Variants in CTNNA2 observed in about 807,000 individuals in gnomAD.
The protein encoded by CTNNA2 is catenin alpha-2.
In CTNNA2, 42 loss-of-function variants were observed where a neutral mutation model predicts 101.0. The ratio of observed to expected loss-of-function variants is 0.42; its 90% CI spans 0.32 to 0.54. The LOEUF (loss-of-function observed/expected upper bound fraction) is 0.54. CTNNA2 is among the 20% of genes least tolerant of loss of function. CTNNA2 has a pLI of 0.14. For synonymous variants in CTNNA2, 450 were observed against 456.4 expected (o/e 0.99, Z 0.18); for missense variants, 871 against 1,223.1 (o/e 0.71, Z 4.29).
chr2:80,269,326 A>G (rs1300525005), intron 7 of CTNNA2, among the ~76,000 whole-genome samples: 1 of 152,156 alleles, frequency 6.6e-6, no homozygotes, highest in African/African-American at 2.4e-5. Flanking sequence ...CTCAGCAATC[A>G]TTCTTCTCTC....
chr2:79,250,685 C>T (rs1308495972), intron 2 of CTNNA2, among the ~76,000 whole-genome samples: 2 of 152,166 alleles, frequency 1.3e-5, no homozygotes, highest in African/African-American at 4.8e-5. Context: ...GGCCTGTGGA[C>T]TCACATTTTG....
intron 7 of CTNNA2, among the ~76,000 whole-genome samples, chr2:80,355,671 A>G (rs527286794): frequency 1.8e-4 from 28 of 152,276 alleles, no homozygotes; most frequent in Admixed American, 1.1e-3. Flanking sequence ...AGTTTTAGGG[A>G]AAGACCATTT....
chr2:79,771,503 T>C (rs2105145927), intron 3 of CTNNA2, among the ~76,000 whole-genome samples: 1 of 152,320 alleles, frequency 6.6e-6, no homozygotes, highest in Admixed American at 6.5e-5. Flanking sequence ...GTGGGAGCCC[T>C]GAGCTTGTTT....
chr2:79,653,581 C>T (rs1485276966), intron 2 of CTNNA2, among the ~76,000 whole-genome samples: 1 of 152,118 alleles, frequency 6.6e-6, no homozygotes, highest in African/African-American at 2.4e-5. Context: ...CCTTATATGG[C>T]ACTAGGAAAA....
At chr2:79,691,829 A>T (rs1684323609) in intron 2 of CTNNA2, among the ~76,000 whole-genome samples, 1 of 152,062 alleles carries the variant, frequency 6.6e-6, no homozygotes, top group Non-Finnish European at 1.5e-5. Context: ...TATGCAGAAA[A>T]CTGAAACTGG....
chr2:79,863,642 C>T (rs533456709), intron 4 of CTNNA2, among the ~76,000 whole-genome samples: 64 of 152,248 alleles, frequency 4.2e-4, no homozygotes, highest in Middle Eastern at 3.4e-3. Context: ...GGGATTAGCT[C>T]ATAAGAAATG....
At chr2:79,831,721 G>T (rs1156799995) in intron 3 of CTNNA2, among the ~76,000 whole-genome samples, 2 of 148,910 alleles carry the variant, frequency 1.3e-5, no homozygotes, top group Non-Finnish European at 3.0e-5. Context: ...TTTGTTCTCG[G>T]TGTTTATTCA....
chr2:79,281,078 A>T, intron 2 of CTNNA2, among the ~76,000 whole-genome samples: 1 of 152,042 alleles, frequency 6.6e-6, no homozygotes, highest in African/African-American at 2.4e-5. Context: ...CACCAGCTAA[A>T]GCATCATTAG....
chr2:80,092,335 T>G (rs753254883), intron 7 of CTNNA2, among the ~76,000 whole-genome samples: 15 of 152,128 alleles, frequency 9.9e-5, no homozygotes, highest in Middle Eastern at 6.3e-3. Flanking sequence ...CCCTTTGTAG[T>G]GAATAGCAAG....
chr2:79,694,812 C>A (rs1159025687), intron 2 of CTNNA2, among the ~76,000 whole-genome samples: 5 of 151,828 alleles, frequency 3.3e-5, no homozygotes, highest in African/African-American at 9.7e-5. Flanking sequence ...CTTAAATCTT[C>A]TTTTGTCTTT....
chr2:79,534,321 ACTTT>A (rs1672924210), intron 1 of CTNNA2, among the ~76,000 whole-genome samples: 1 of 152,100 alleles, frequency 6.6e-6, no homozygotes, highest in African/African-American at 2.4e-5. Context: ...TGGGCGCATT[ACTTT>A]CTATTAAAAA....
intron 9 of CTNNA2, among the ~76,000 whole-genome samples, chr2:80,500,604 G>A (rs907000622): frequency 6.6e-6 from 1 of 152,196 alleles, no homozygotes; most frequent in African/African-American, 2.4e-5. Flanking sequence ...GGAGAGTAGT[G>A]TGCAGCGGAA....
intron 2 of CTNNA2, among the ~76,000 whole-genome samples, chr2:79,674,104 C>A (rs1225736047): frequency 1.3e-5 from 2 of 152,160 alleles, no homozygotes; most frequent in Non-Finnish European, 2.9e-5. Context: ...TGAAACTTGG[C>A]AATCTGTGTT....
At chr2:80,211,298 A>G (rs946392809) in intron 7 of CTNNA2, among the ~76,000 whole-genome samples, 7 of 152,300 alleles carry the variant, frequency 4.6e-5, no homozygotes, top group East Asian at 1.9e-4. Context: ...GCCCATGCCT[A>G]TGGCCTGAAT....
intron 2 of CTNNA2, among the ~76,000 whole-genome samples, chr2:79,683,831 G>A (rs757655289): frequency 2.8e-4 from 42 of 152,188 alleles, no homozygotes; most frequent in Non-Finnish European, 5.6e-4. Flanking sequence ...AGTGGTGGGA[G>A]AACCAGGCTC....
chr2:80,319,314 T>G (rs1373263), intron 7 of CTNNA2, among the ~76,000 whole-genome samples: 11,832 of 152,230 alleles, frequency 0.078, 617 homozygotes, highest in East Asian at 0.17. Context: ...CCAGTTTTTT[T>G]TTGTTGTTGT....
intron 7 of CTNNA2, chr2:80,378,618 T>A (rs915940256): frequency 1.2e-4 from 18 of 152,160 alleles, no homozygotes; most frequent in African/African-American, 4.1e-4. Context: ...ATAATCAGTG[T>A]TAAAAATCCA....
intron 7 of CTNNA2, among the ~76,000 whole-genome samples, chr2:80,274,178 A>G (rs1179062159): frequency 6.6e-6 from 1 of 152,170 alleles, no homozygotes; most frequent in African/African-American, 2.4e-5. Flanking sequence ...GTAGCAGGAG[A>G]TGAAAAAGGC....
In CTNNA2 at chr2:80,546,025, A is replaced by G; in HGVS notation, c.1502A>G (p.Asp501Gly). The G allele has an allele frequency of 6.2e-7, 1 of 1,614,118 alleles. No individual in the cohort carries two copies. Among genetic ancestry groups the G allele is most frequent in the Non-Finnish European group, 8.5e-7 (1 of 1,180,008 alleles). ...GTCCGAGTGTTGACAGAGGCCGTGGATGACATCACCTCAGTGGATGACTTC... is the reference window on the plus strand; with the variant it reads ...GTCCGAGTGTTGACAGAGGCCGTGGGTGACATCACCTCAGTGGATGACTTC... ...KQVRVLTEAV[D>G]DITSVDDFLS... Residue 501 changes from aspartate (D) to glycine (G), a missense_variant, in exon 11 of 19, where the codon GAT becomes GGT. Physicochemically the swap from Asp to Gly is moderately conservative, Grantham distance 94. Transcript: ENST00000402739.
Sources: gnomAD v4.1 joint callset for allele counts (sites outside exome capture counted in the v4.1 genomes callset) on GRCh38, gnomAD v4.1.1 for gene constraint, MANE v1.5 for transcripts, NCBI Gene and HGNC (gene_info 2026-07-23, HGNC 2026-07-21) for gene names.